Variants in QTGAL observed in about 807,000 individuals in gnomAD.
QTGAL encodes queuosine-tRNA galactosyltransferase.
At chr17:83,010,872 C>T in the QTGAL span, among the ~76,000 whole-genome samples, 1 of 152,162 alleles carries the variant, frequency 6.6e-6, no homozygotes, top group African/African-American at 2.4e-5. Flanking sequence ...AGGAACCCTC[C>T]CGTCTTTGTT....
the QTGAL span, among the ~76,000 whole-genome samples, chr17:83,002,516 G>C: frequency 6.6e-6 from 1 of 152,240 alleles, no homozygotes; most frequent in East Asian, 1.9e-4. Flanking sequence ...ACGCGCCCTC[G>C]GCCGCTAGCT....
chr17:82,969,991 A>C, the QTGAL span, among the ~76,000 whole-genome samples: 1,273 of 152,342 alleles, frequency 8.4e-3, 12 homozygotes, highest in African/African-American at 0.028. Context: ...AAAATTAAAA[A>C]AAAAAGTCTT....
chr17:82,986,824 T>C, the QTGAL span, among the ~76,000 whole-genome samples: 1 of 152,272 alleles, frequency 6.6e-6, no homozygotes, highest in South Asian at 2.1e-4. Flanking sequence ...AAATCCGTAA[T>C]GTTGGGGCGT....
chr17:82,986,963 A>T, the QTGAL span, among the ~76,000 whole-genome samples: 3 of 152,120 alleles, frequency 2.0e-5, no homozygotes, highest in African/African-American at 4.8e-5. Flanking sequence ...CACTAACCTG[A>T]CCATACCCCC....
At chr17:82,965,599 G>C in the QTGAL span, 2 of 1,498,334 alleles carry the variant, frequency 1.3e-6, no homozygotes. Flanking sequence ...CACACACAGA[G>C]ACAGGGCCCC....
chr17:82,984,820 A>T, the QTGAL span, among the ~76,000 whole-genome samples: 1 of 152,034 alleles, frequency 6.6e-6, no homozygotes, highest in Non-Finnish European at 1.5e-5. Flanking sequence ...GCGTCACACC[A>T]CTGTCTGCCT....
the QTGAL span, among the ~76,000 whole-genome samples, chr17:82,991,646 C>T: frequency 6.6e-6 from 1 of 152,058 alleles, no homozygotes; most frequent in African/African-American, 2.4e-5. Context: ...TCTGCAATGC[C>T]CAGACACAGA....
At chr17:83,048,018 CTCTT>C in the QTGAL span, among the ~76,000 whole-genome samples, 2 of 142,502 alleles carry the variant, frequency 1.4e-5, no homozygotes, top group Non-Finnish European at 3.1e-5. Flanking sequence ...CTTCCTTCCT[CTCTT>C]TCTCTCTCTC....
chr17:82,952,630 A>T, the QTGAL span, among the ~76,000 whole-genome samples: 1 of 152,168 alleles, frequency 6.6e-6, no homozygotes. Flanking sequence ...TTAACACCCC[A>T]CTGTCAATAT....
the QTGAL span, among the ~76,000 whole-genome samples, chr17:82,950,138 T>C: frequency 6.6e-6 from 1 of 152,202 alleles, no homozygotes; most frequent in African/African-American, 2.4e-5. Flanking sequence ...GAGGCCACAC[T>C]GCCAGCTGCC....
the QTGAL span, chr17:83,034,918 T>C: frequency 1.2e-6 from 1 of 819,396 alleles, no homozygotes; most frequent in Non-Finnish European, 2.0e-6. Flanking sequence ...AACACATTAT[T>C]AGTCTAATAA....
At chr17:83,029,558 A>C in the QTGAL span, among the ~76,000 whole-genome samples, 68 of 152,308 alleles carry the variant, frequency 4.5e-4, no homozygotes, top group African/African-American at 1.5e-3. Flanking sequence ...TGTTTGTCAC[A>C]CGATGAAAAC....
the QTGAL span, among the ~76,000 whole-genome samples, chr17:82,997,934 T>A: frequency 3.1e-3 from 438 of 142,940 alleles, 1 homozygote; most frequent in East Asian, 6.9e-3. Context: ...AAAAAAAATA[T>A]ATATATATAT....
the QTGAL span, among the ~76,000 whole-genome samples, chr17:82,993,890 A>G: frequency 6.6e-6 from 1 of 152,168 alleles, no homozygotes; most frequent in African/African-American, 2.4e-5. Flanking sequence ...TAATTTAACA[A>G]TATGCTCCTG....
chr17:82,959,922 C>T, the QTGAL span, among the ~76,000 whole-genome samples: 3 of 152,124 alleles, frequency 2.0e-5, no homozygotes. Flanking sequence ...AGAACAGGCT[C>T]CCCAGGGCGC....
At chr17:82,967,078 A>C in the QTGAL span, among the ~76,000 whole-genome samples, 2 of 152,244 alleles carry the variant, frequency 1.3e-5, no homozygotes, top group Admixed American at 1.3e-4. Context: ...ACTAGTCATC[A>C]GGGAAATGAG....
the QTGAL span, among the ~76,000 whole-genome samples, chr17:82,977,784 G>C: frequency 3.3e-5 from 5 of 152,308 alleles, no homozygotes; most frequent in East Asian, 1.9e-4. Flanking sequence ...TGGGACCGAG[G>C]GGGGTGGAAC....
chr17:83,008,779 C>T, the QTGAL span, among the ~76,000 whole-genome samples: 5 of 152,080 alleles, frequency 3.3e-5, no homozygotes, highest in African/African-American at 4.8e-5. Flanking sequence ...TGAGCGAGTG[C>T]GCGGGCTCCA....
chr17:83,002,691 C>T, the QTGAL span, among the ~76,000 whole-genome samples: 1 of 152,198 alleles, frequency 6.6e-6, no homozygotes, highest in East Asian at 1.9e-4. Context: ...GCACCGCGGG[C>T]GGCCCCGTGT....
Sources: allele counts gnomAD v4.1 joint callset (sites outside exome capture counted in the v4.1 genomes callset), GRCh38; gene constraint gnomAD v4.1.1; transcripts MANE v1.5; gene names NCBI Gene and HGNC (gene_info 2026-07-23, HGNC 2026-07-21).